TTC17: variants seen among roughly 807,000 people sequenced by gnomAD.
The protein encoded by TTC17 is tetratricopeptide repeat protein 17.
TTC17 carries 58 observed loss-of-function variants against 143.8 expected under a neutral mutation model. The ratio of observed to expected loss-of-function variants is 0.40; its 90% CI spans 0.33 to 0.50. The LOEUF (loss-of-function observed/expected upper bound fraction) is 0.50, where lower values mean the gene tolerates loss of function less well. Among genes scored for constraint, TTC17 ranks in the 20% least tolerant of loss-of-function variants. The probability of loss-of-function intolerance (pLI) is 0.49; values close to 1 mark genes in which losing one functional copy is unlikely to be tolerated. For synonymous variants in TTC17, 501 were observed against 497.8 expected (o/e 1.01, Z -0.09); for missense variants, 1,273 against 1,392.5 (o/e 0.91, Z 1.37).
Position 43,403,811 on chromosome 11 carries a change from A to G in TTC17, c.1333-187A>G, listed in dbSNP as rs562920057. Among the ~76,000 whole-genome samples the G allele has an allele frequency of 2.3e-4, 29 of 127,934 alleles. No individual in the cohort carries two copies. The South Asian group carries it at 6.1e-3, about 27-fold the overall frequency. The allele number at this position is 127,934 out of a possible 152,430, so 83.9% of individuals were successfully genotyped here. ...GCAAAGTTATTGAAAGTTGTTAACT[A>G]TGTATTATCCATGAAAGAATATCGT... On this transcript the variant is annotated intron_variant, in intron 10 of 23. Transcript: ENST00000039989.
intron 16 of TTC17, among the ~76,000 whole-genome samples, chr11:43,422,902 G>A (rs1056597456): frequency 6.6e-6 from 1 of 152,100 alleles, no homozygotes; most frequent in Non-Finnish European, 1.5e-5. Flanking sequence ...ATTTGTTTTT[G>A]TTATTCTAAA....
At chr11:43,359,253 T>C in intron 1 of TTC17, 140 bp downstream of exon 1, 1 of 1,080,372 alleles carries the variant, frequency 9.3e-7, no homozygotes, top group Non-Finnish European at 1.3e-6. Context: ...GACCTCGGAC[T>C]CCCTGCATTC....
intron 21 of TTC17, among the ~76,000 whole-genome samples, chr11:43,469,160 C>T (rs888892344): frequency 3.3e-5 from 5 of 152,076 alleles, no homozygotes; most frequent in Non-Finnish European, 7.4e-5. Flanking sequence ...AACAAAACCC[C>T]AGTGAAATAC....
At chr11:43,368,404 A>T (rs575048925) in intron 1 of TTC17, among the ~76,000 whole-genome samples, 2 of 151,722 alleles carry the variant, frequency 1.3e-5, no homozygotes, top group East Asian at 1.9e-4. Context: ...ACCCCACCAC[A>T]CCTGATCTTC....
intron 17 of TTC17, 72 bp downstream of exon 17, chr11:43,443,656 G>A: frequency 1.3e-6 from 2 of 1,530,614 alleles, no homozygotes; most frequent in Non-Finnish European, 1.8e-6. Flanking sequence ...TGCAAAGTGG[G>A]AAGTTTCTGT....
intron 21 of TTC17, among the ~76,000 whole-genome samples, chr11:43,460,920 T>C (rs1047801824): frequency 3.3e-5 from 5 of 152,166 alleles, no homozygotes; most frequent in African/African-American, 1.2e-4. Context: ...ACAGCACTAC[T>C]TCATCCATGC....
intron 17 of TTC17, 105 bp downstream of exon 17, chr11:43,443,689 T>C: frequency 7.1e-7 from 1 of 1,405,778 alleles, no homozygotes; most frequent in Non-Finnish European, 9.6e-7. Flanking sequence ...ACTACTTGGC[T>C]ATGCACTCCA....
intron 7 of TTC17, 80 bp downstream of exon 7, chr11:43,397,571 T>A (rs918673402): frequency 2.2e-6 from 3 of 1,388,742 alleles, no homozygotes; most frequent in Non-Finnish European, 9.5e-7. Flanking sequence ...CTCAGTAGAA[T>A]GTTACTTTTT....
intron 16 of TTC17, among the ~76,000 whole-genome samples, chr11:43,423,046 G>T (rs531256510): frequency 9.2e-5 from 14 of 152,198 alleles, no homozygotes; most frequent in South Asian, 2.1e-4. Flanking sequence ...AGGCACAAAT[G>T]TAAGAGTAGT....
chr11:43,416,524 C>T (rs1191298881), intron 16 of TTC17, among the ~76,000 whole-genome samples: 1 of 152,030 alleles, frequency 6.6e-6, no homozygotes, highest in Non-Finnish European at 1.5e-5. Context: ...TGAACTTTTT[C>T]CCCAGAATGT....
At chr11:43,481,623 G>A (rs555405778) in intron 21 of TTC17, among the ~76,000 whole-genome samples, 1 of 152,036 alleles carries the variant, frequency 6.6e-6, no homozygotes, top group Non-Finnish European at 1.5e-5. Flanking sequence ...TCTTTCAAGG[G>A]ATTTGTTTAT....
At chr11:43,364,047 CTTTTTTTTTT>C (rs71308379) in intron 1 of TTC17, among the ~76,000 whole-genome samples, 1 of 94,452 alleles carries the variant, frequency 1.1e-5, no homozygotes, top group Non-Finnish European at 2.1e-5. Context: ...TACAGATCCT[CTTTTTTTTTT>C]TTTTTTTTTT....
chr11:43,430,701 A>G (rs1947133947), intron 16 of TTC17, among the ~76,000 whole-genome samples: 1 of 118,506 alleles, frequency 8.4e-6, no homozygotes, highest in Admixed American at 1.1e-4. Context: ...AGCATCCCCT[A>G]CATACACGCA....
chr11:43,485,886 T>G (rs538603704), intron 21 of TTC17, among the ~76,000 whole-genome samples: 12 of 121,466 alleles, frequency 9.9e-5, no homozygotes, highest in South Asian at 2.4e-4. Flanking sequence ...GTTTTTTGTT[T>G]TTTTTTTTTT....
intron 21 of TTC17, among the ~76,000 whole-genome samples, chr11:43,461,662 T>C (rs1280736210): frequency 6.6e-6 from 1 of 152,106 alleles, no homozygotes; most frequent in East Asian, 1.9e-4. Flanking sequence ...GGGAAACATA[T>C]GTAAATGAAT....
chr11:43,440,868 T>C (rs76932759), intron 16 of TTC17, among the ~76,000 whole-genome samples: 1 of 152,140 alleles, frequency 6.6e-6, no homozygotes, highest in African/African-American at 2.4e-5. Context: ...CATTCTTTAT[T>C]CTAATTAATT....
intron 2 of TTC17, among the ~76,000 whole-genome samples, chr11:43,384,069 C>G (rs904630272): frequency 3.3e-5 from 5 of 151,202 alleles, no homozygotes; most frequent in African/African-American, 1.2e-4. Context: ...TGCATGAGCC[C>G]AGATGTTTGA....
rs149635957 is a variant in TTC17 at position 43,392,744 on chromosome 11, A to G, written c.663+792A>G. Among the ~76,000 whole-genome samples the G allele has an allele frequency of 6.1e-4, 93 of 152,342 alleles. 1 individual carries two copies. The East Asian group carries it at 0.016, about 26-fold the overall frequency. ...TTACATTCCCAGAACTTGATGAGTAATAAGAGAAAACTGGCCCAGGATTTT... is the reference window on the plus strand; with the variant it reads ...TTACATTCCCAGAACTTGATGAGTAGTAAGAGAAAACTGGCCCAGGATTTT... On this transcript the variant is annotated intron_variant, in intron 5 of 23. Coordinates refer to ENST00000039989, the MANE Select transcript of TTC17 (RefSeq NM_018259.6).
chr11:43,462,468 G>A (rs1021969609), intron 21 of TTC17, among the ~76,000 whole-genome samples: 7 of 152,162 alleles, frequency 4.6e-5, no homozygotes, highest in African/African-American at 1.7e-4. Flanking sequence ...CACAAGCCAA[G>A]GAATGCCAGC....
Sources: allele counts gnomAD v4.1 joint callset (sites outside exome capture counted in the v4.1 genomes callset), GRCh38; gene constraint gnomAD v4.1.1; transcripts MANE v1.5; gene names NCBI Gene and HGNC (gene_info 2026-07-23, HGNC 2026-07-21).